The following RIF1 variants were observed in gnomAD, a reference collection of about 807,000 sequenced individuals.
RIF1 encodes replication timing regulatory factor 1, also known as telomere-associated protein RIF1.
In RIF1, 45 loss-of-function variants were observed where a neutral mutation model predicts 247.1. That is an observed-to-expected ratio of 0.18 (90% CI 0.14 to 0.23). RIF1 has a LOEUF of 0.23. RIF1 is among the 10% of genes least tolerant of loss of function. The pLI is 1.00. For missense variants in RIF1, 2,967 were observed against 2,862.5 expected (o/e 1.04, Z -0.83); for synonymous variants, 1,087 against 978.8 (o/e 1.11, Z -2.06).
chr2:151,422,806 C>T (rs914462205), intron 7 of RIF1, 144 bp from the exon 8 acceptor site: 42 of 546,298 alleles, frequency 7.7e-5, no homozygotes, highest in South Asian at 8.9e-5. Flanking sequence ...CTTGACCCAC[C>T]GCACCTGGCC....
chr2:151,497,976 C>G (rs2061441950), intron 10 of RIF1: 2 of 1,436,000 alleles, frequency 1.4e-6, no homozygotes, highest in East Asian at 2.5e-5. Flanking sequence ...AGTACGGTGC[C>G]TCCTAAACAA....
intron 9 of RIF1, chr2:151,493,104 A>C (rs994220199): frequency 2.2e-5 from 9 of 418,572 alleles, no homozygotes; most frequent in South Asian, 1.7e-4. Flanking sequence ...AAACATTGGC[A>C]ATTAACTTGT....
Position 151,443,218 on chromosome 2 carries a change from T to G in RIF1, c.1735-41T>G, listed in dbSNP as rs781566548. ...CCAATTATAAAAAACAAATGTTCTA[T>G]TCTTTGTAACTGAGAAGATTGACTT... On this transcript the variant is annotated intron_variant, in intron 16 of 35. Coordinates refer to ENST00000444746, the MANE Select transcript of RIF1 (RefSeq NM_018151.5). 9 of 1,208,086 alleles carry G rather than the reference T, an allele frequency of 7.4e-6. No homozygotes were observed. In the South Asian group the frequency reaches 1.2e-4, roughly 16 times the overall value. The allele number at this position is 1,208,086 out of a possible 1,614,324, so 74.8% of individuals were successfully genotyped here. A position where few individuals can be genotyped will look rare whatever the true frequency, so the allele number is the denominator to read the frequency against.
At chr2:151,426,168 ATTTTTTTT>A (rs35001554) in intron 8 of RIF1, among the ~76,000 whole-genome samples, 11 of 58,214 alleles carry the variant, frequency 1.9e-4, no homozygotes, top group Admixed American at 1.5e-3. Flanking sequence ...TTGGCTTTTA[ATTTTTTTT>A]TTTTTTTTTT....
intron 20 of RIF1, among the ~76,000 whole-genome samples, chr2:151,447,608 C>T (rs1401093093): frequency 3.3e-5 from 5 of 152,178 alleles, no homozygotes; most frequent in South Asian, 2.1e-4. Flanking sequence ...TGCAGTGGCA[C>T]GATCTCAGCT....
At chr2:151,439,625 C>T (rs1313829084) in intron 14 of RIF1, among the ~76,000 whole-genome samples, 9 of 146,448 alleles carry the variant, frequency 6.1e-5, no homozygotes, top group Non-Finnish European at 1.0e-4. Context: ...GCTGAGATGG[C>T]GCCATTGCAC....
At chr2:151,460,205 A>G (rs1402056584) in intron 26 of RIF1, 86 bp downstream of exon 26, 2 of 1,060,706 alleles carry the variant, frequency 1.9e-6, no homozygotes, top group East Asian at 5.6e-5. Flanking sequence ...TGAAAGAACT[A>G]TAAAAGACTA....
Position 151,440,146 on chromosome 2 carries a change from T to A in RIF1, c.1647+19T>A. Reference sequence around the variant, plus strand: ...AACGCTGGTAAGTATAATACCCGTATGTTGGACTTTAAAAACCATTTTCTG... The same window carrying A: ...AACGCTGGTAAGTATAATACCCGTAAGTTGGACTTTAAAAACCATTTTCTG... On this transcript the variant is annotated intron_variant, in intron 15 of 35. Coordinates refer to ENST00000444746, the MANE Select transcript of RIF1 (RefSeq NM_018151.5). 7.8e-7 allele frequency: 1 copy of A among 1,286,770 alleles called. No individual in the cohort carries two copies. The highest frequency in any genetic ancestry group is 1.5e-5 in the African/African-American group (1 of 67,208). 79.7% of individuals were successfully genotyped at this position (1,286,770 alleles called of 1,614,324 possible).
At chr2:151,416,123 G>A (rs1284778415) in intron 4 of RIF1, among the ~76,000 whole-genome samples, 1 of 152,188 alleles carries the variant, frequency 6.6e-6, no homozygotes, top group Non-Finnish European at 1.5e-5. Flanking sequence ...CTTTAGAGAA[G>A]GGAAGTTAGG....
chr2:151,454,413 C>T (rs1322431651), intron 21 of RIF1, among the ~76,000 whole-genome samples: 1 of 152,016 alleles, frequency 6.6e-6, no homozygotes, highest in African/African-American at 2.4e-5. Flanking sequence ...CTTTGTATCT[C>T]TGACTTGTTC....
intron 34 of RIF1, among the ~76,000 whole-genome samples, chr2:151,472,697 A>C (rs936537121): frequency 6.6e-6 from 1 of 152,224 alleles, no homozygotes; most frequent in Non-Finnish European, 1.5e-5. Context: ...ATGTTGAACC[A>C]GCCTTGCATC....
At chr2:151,424,820 G>A (rs1022369158) in intron 8 of RIF1, among the ~76,000 whole-genome samples, 4 of 130,160 alleles carry the variant, frequency 3.1e-5, no homozygotes, top group Non-Finnish European at 4.6e-5. Flanking sequence ...CACCCAGCCC[G>A]GCTGATTTTT....
At chr2:151,440,150 G>A (rs1692024292) in intron 15 of RIF1, 23 bp downstream of exon 15, 2 of 1,263,558 alleles carry the variant, frequency 1.6e-6, no homozygotes, top group East Asian at 2.3e-5. Context: ...CCCGTATGTT[G>A]GACTTTAAAA....
At chr2:151,515,000 G>GA in the RIF1 span, 32,132 of 765,574 alleles carry the variant, frequency 0.042, 2 homozygotes, top group South Asian at 0.061. Context: ...ATCTCAGGAA[G>GA]AAAAAAAAAA....
intron 9 of RIF1, among the ~76,000 whole-genome samples, chr2:151,429,978 T>A (rs1319683697): frequency 6.6e-6 from 1 of 152,158 alleles, no homozygotes; most frequent in Non-Finnish European, 1.5e-5. Flanking sequence ...TTCTTCCTCC[T>A]TTTAATATGT....
chr2:151,446,200 G>T (rs1221699171), intron 19 of RIF1, among the ~76,000 whole-genome samples: 1 of 151,624 alleles, frequency 6.6e-6, no homozygotes, highest in Non-Finnish European at 1.5e-5. Flanking sequence ...TAGAGATGGG[G>T]TTTCGCCATG....
At chr2:151,422,023 G>A (rs1688266086) in intron 7 of RIF1, among the ~76,000 whole-genome samples, 1 of 151,608 alleles carries the variant, frequency 6.6e-6, no homozygotes, top group African/African-American at 2.4e-5. Context: ...GTAGAGATGG[G>A]GTTTCACCAT....
Position 151,464,586 on chromosome 2 carries a change from T to C in RIF1, c.5066T>C (p.Phe1689Ser), listed in dbSNP as rs746602123. 11 of 1,613,542 alleles carry C rather than the reference T, an allele frequency of 6.8e-6. No homozygotes were observed. In the East Asian group the frequency reaches 2.2e-4, roughly 33 times the overall value. ...AAGAGATTACATAAGCGAGACTCTT[T>C]TGATAATTGTAGTTTGGGAGAATCC... ...AIKRLHKRDS[F>S]DNCSLGESSK... Residue 1689 changes from phenylalanine to serine, a missense_variant, in exon 30 of 36, where the codon TTT becomes TCT. Physicochemically the swap from Phe to Ser is radical, Grantham distance 155. This residue lies in a region of RIF1 where 2,028 missense variants were observed against 1,825.6 expected (regional missense o/e 1.11). Transcript: ENST00000444746.
rs1170881048 is a variant in RIF1, at chr2:151,479,687, G to A, written c.*4616G>A. On this transcript the variant is annotated 3_prime_UTR_variant, in exon 36 of 36. Coordinates refer to ENST00000444746, the MANE Select transcript of RIF1 (RefSeq NM_018151.5). ...ATCGTAAAGTGAAATTTGAAAGATG[G>A]AGTTGAATAATATGATTCTCGAAAA... 1 of 152,138 alleles carries A rather than the reference G, an allele frequency of 6.6e-6. No individual in the cohort carries two copies. The highest frequency in any genetic ancestry group is 2.4e-5 in the African/African-American group (1 of 41,420). 9.4% of individuals were successfully genotyped at this position (152,138 alleles called of 1,614,324 possible).
Sources: allele counts gnomAD v4.1 joint callset (sites outside exome capture counted in the v4.1 genomes callset), GRCh38; gene constraint gnomAD v4.1.1; regional missense constraint gnomAD v4.1.1; transcripts MANE v1.5; gene names NCBI Gene and HGNC (gene_info 2026-07-23, HGNC 2026-07-21).